GRK6: variants seen among roughly 807,000 people sequenced by gnomAD.
GRK6 encodes the protein G protein-coupled receptor kinase 6.
GRK6 carries 37 observed loss-of-function variants against 80.8 expected under a neutral mutation model. That is an observed-to-expected ratio of 0.46 (90% CI 0.35 to 0.60). GRK6 has a LOEUF of 0.60. Among genes scored for constraint, GRK6 ranks in the 20% least tolerant of loss-of-function variants. The probability of loss-of-function intolerance (pLI) is 0.00; values close to 1 mark genes in which losing one functional copy is unlikely to be tolerated. For synonymous variants in GRK6, 295 were observed against 320.9 expected, an observed-to-expected ratio of 0.92 and a Z score of 0.86; for missense variants, 560 against 784.6, an observed-to-expected ratio of 0.71 and a Z score of 3.42.
At chr5:177,430,613 A>G in intron 1 of GRK6, 1 of 505,348 alleles carries the variant, frequency 2.0e-6, no homozygotes, top group Non-Finnish European at 3.6e-6. Flanking sequence ...CCATTGTTGG[A>G]GCTACTTGGA....
In GRK6 at chr5:177,437,678, C is replaced by T. The variant is rs545257432; in HGVS notation, c.1404+1148C>T. On this transcript the variant is annotated intron_variant, in intron 13 of 15. Transcript: ENST00000355472. ...CTCCAGGGTTTCCTGCTGTGTGCCA[C>T]GATTCTCCAGCTCTTGCCTGGCCTT... Among the ~76,000 whole-genome samples the T allele has an allele frequency of 3.7e-4, 56 of 152,272 alleles. No homozygotes were observed. In the South Asian group the frequency reaches 0.011, roughly 31 times the overall value.
In GRK6 at chr5:177,442,465, C is replaced by G. The variant is rs1330612399; in HGVS notation, c.*675C>G. The G allele has an allele frequency of 1.3e-5, 2 of 153,268 alleles. No individual in the cohort carries two copies. The highest frequency in any genetic ancestry group is 2.9e-5 in the Non-Finnish European group (2 of 68,506). 9.5% of individuals were successfully genotyped at this position (153,268 alleles called of 1,614,324 possible). A position where few individuals can be genotyped will look rare whatever the true frequency, so the allele number is the denominator to read the frequency against. On this transcript the variant is annotated 3_prime_UTR_variant, in exon 16 of 16. Transcript: ENST00000355472. The stretch of plus-strand genomic sequence containing the variant: ...GCCCAGATAGGTCTGCCTCTGCCTT[C>G]CAGCTCCCACAGCCTGGTCCCTGAT...
rs934424420 is a variant in GRK6, at chr5:177,429,508, T to G, written c.53-1364T>G. The stretch of plus-strand genomic sequence containing the variant: ...TGCCCTGGGTTGAGGGGTGGGTGTC[T>G]GTTGCTCACTCACAGTGAAGCAATG... On this transcript the variant is annotated intron_variant, in intron 1 of 15. Transcript: ENST00000355472. This position sits in a 1 kb window ranked among gnomAD's most constrained non-coding sequence, Gnocchi z 4.3. Among the ~76,000 whole-genome samples, 2 of 152,266 alleles carry G rather than the reference T, an allele frequency of 1.3e-5. No individual in the cohort carries two copies. Among genetic ancestry groups the G allele is most frequent in the East Asian group, 3.9e-4 (2 of 5,174 alleles).
chr5:177,426,974 C>T, intron 1 of GRK6, 77 bp downstream of exon 1: 1 of 1,020,458 alleles, frequency 9.8e-7, no homozygotes, highest in Non-Finnish European at 1.3e-6. Flanking sequence ...GCAGGGCTAC[C>T]CAGCCGTCGG....
chr5:177,435,506 A>C (rs1764102052), intron 11 of GRK6, among the ~76,000 whole-genome samples: 1 of 152,206 alleles, frequency 6.6e-6, no homozygotes, highest in African/African-American at 2.4e-5. Flanking sequence ...GAGACGCAGG[A>C]GGCAGAGTCC....
chr5:177,432,191 G>A (rs1391802333), intron 3 of GRK6, 42 bp from the exon 4 acceptor site: 1 of 1,612,686 alleles, frequency 6.2e-7, no homozygotes, highest in Non-Finnish European at 8.5e-7. Context: ...CCTGCTGCTT[G>A]CCCTGCCCAG....
rs58963513 is a variant in GRK6 at position 177,435,500 on chromosome 5, C to T, written c.1057+379C>T. On this transcript the variant is annotated intron_variant, in intron 11 of 15. Coordinates refer to ENST00000355472, the MANE Select transcript of GRK6 (RefSeq NM_001004106.3). The stretch of plus-strand genomic sequence containing the variant: ...CACATTCCACCTGGAGACCGAGAGA[C>T]GCAGGAGGCAGAGTCCTGGCTCTGC... Among the ~76,000 whole-genome samples the T allele has an allele frequency of 3.8e-3, 580 of 152,342 alleles. 15 individuals carry two copies. In the East Asian group the frequency reaches 0.048, roughly 13 times the overall value.
chr5:177,432,425 A>C lies in GRK6; in HGVS notation c.339+115A>C, dbSNP rs1465863227. The C allele has an allele frequency of 7.7e-6, 8 of 1,036,320 alleles. No homozygotes were observed. The East Asian group carries it at 2.0e-4, about 26-fold the overall frequency. 64.2% of individuals were successfully genotyped at this position (1,036,320 alleles called of 1,614,324 possible). Reference sequence around the variant, plus strand: ...GTCTCTTCATACAGACACATGTAACACACAGCCTGGACAGAGAGTGCCCTG... The same window carrying C: ...GTCTCTTCATACAGACACATGTAACCCACAGCCTGGACAGAGAGTGCCCTG... On this transcript the variant is annotated intron_variant, in intron 4 of 15. Coordinates refer to ENST00000355472, the MANE Select transcript of GRK6 (RefSeq NM_001004106.3).
Position 177,431,989 on chromosome 5 carries a change from C to T in GRK6, c.149-6C>T. 2 of 1,612,604 alleles carry T rather than the reference C, an allele frequency of 1.2e-6. No homozygotes were observed. Among genetic ancestry groups the T allele is most frequent in the Non-Finnish European group, 1.7e-6 (2 of 1,179,438 alleles). ...TGGACCCAGCAGCTTCCATCACTGCCAACAGAGCGTGACTATCACAGCCTG... is the reference window on the plus strand; with the variant it reads ...TGGACCCAGCAGCTTCCATCACTGCTAACAGAGCGTGACTATCACAGCCTG... On this transcript the variant is annotated splice_polypyrimidine_tract_variant and splice_region_variant and intron_variant, in intron 2 of 15. Coordinates refer to ENST00000355472, the MANE Select transcript of GRK6 (RefSeq NM_001004106.3).
In GRK6 at chr5:177,433,679, A is replaced by T; in HGVS notation, c.738+3A>T. 1 of 1,613,996 alleles carries T rather than the reference A, an allele frequency of 6.2e-7. No homozygotes were observed. Among genetic ancestry groups the T allele is most frequent in the Non-Finnish European group, 8.5e-7 (1 of 1,179,974 alleles). On this transcript the variant is annotated splice_donor_region_variant and intron_variant, in intron 8 of 15. Coordinates refer to ENST00000355472, the MANE Select transcript of GRK6 (RefSeq NM_001004106.3). ...AGAAAGTGAACAGTAGGTTTGTAGT[A>T]AGTACAGAAGGAGACTCTCCCTTCC...
In GRK6 at chr5:177,434,003, C is replaced by T. The variant is rs1351945010; in HGVS notation, c.828C>T (p.Tyr276=). 21 of 1,613,118 alleles carry T rather than the reference C, an allele frequency of 1.3e-5. No individual in the cohort carries two copies. The highest frequency in any genetic ancestry group is 1.7e-5 in the Non-Finnish European group (20 of 1,179,624). Residue 276 remains tyrosine (Y), a synonymous_variant, in exon 9 of 16, where the codon TAC becomes TAT. Coordinates refer to ENST00000355472, the MANE Select transcript of GRK6 (RefSeq NM_001004106.3). The part of the protein sequence containing the change: ...MNGGDLKFHI[Y]HMGQAGFPEA... ...GGGGCGACCTCAAGTTCCACATCTA[C>T]CACATGGGCCAGGCTGGCTTCCCCG...
At position 177,433,195 on chromosome 5, in the gene GRK6, C is replaced by T. The variant is rs750263792; in HGVS notation, c.489C>T (p.Asp163=). ...LSVAPFADYL[D]SIYFNRFLQW... is the part of the protein sequence containing the mutation. Reference sequence around the variant, plus strand: ...TGGCCCCTTTTGCCGACTACCTCGACAGCATCTACTTCAACCGTTTCCTGC... The same window carrying T: ...TGGCCCCTTTTGCCGACTACCTCGATAGCATCTACTTCAACCGTTTCCTGC... The change falls in exon 6 of 16, where the codon GAC becomes GAT. Residue 163 remains aspartate (D), a synonymous_variant. Transcript: ENST00000355472. 4 of 1,614,208 alleles carry T rather than the reference C, an allele frequency of 2.5e-6. No homozygotes were observed. The highest frequency in any genetic ancestry group is 3.4e-6 in the Non-Finnish European group (4 of 1,180,026).
chr5:177,436,928 CTTCTTTTTTCCT>C (rs1764187780), intron 13 of GRK6, among the ~76,000 whole-genome samples: 1 of 151,806 alleles, frequency 6.6e-6, no homozygotes, highest in Non-Finnish European at 1.5e-5. Flanking sequence ...TCTTTTTTCC[CTTCTTTTTTCCT>C]TTCTTTCCTT....
chr5:177,433,260 G>A, intron 6 of GRK6, 21 bp downstream of exon 6: 1 of 1,613,840 alleles, frequency 6.2e-7, no homozygotes, highest in Non-Finnish European at 8.5e-7. Context: ...TGAAGGCTGG[G>A]CCGGGACAGG....
Position 177,426,756 on chromosome 5 carries a change from C to A in GRK6, c.-90C>A. On this transcript the variant is annotated 5_prime_UTR_variant, in exon 1 of 16. Coordinates refer to ENST00000355472, the MANE Select transcript of GRK6 (RefSeq NM_001004106.3). ...TCACTGCGAGCCGAGCCGAGCCGCG[C>A]CGAGCCGCGCCGATCGCCATCCGGC... is the stretch of plus-strand genomic sequence containing the variant. 1.4e-6 allele frequency: 1 copy of A among 703,056 alleles called. No individual in the cohort carries two copies. The allele number at this position is 703,056 out of a possible 1,614,324, so 43.6% of individuals were successfully genotyped here.
chr5:177,433,828 G>A, intron 8 of GRK6, 86 bp from the exon 9 acceptor site: 1 of 1,487,182 alleles, frequency 6.7e-7, no homozygotes, highest in Non-Finnish European at 9.0e-7. Flanking sequence ...GGCCCAAGGA[G>A]TGGCACCGAG....
chr5:177,440,559 T>TG, intron 13 of GRK6, 141 bp from the exon 14 acceptor site: 2 of 968,374 alleles, frequency 2.1e-6, no homozygotes, highest in South Asian at 3.2e-5. Flanking sequence ...AGGAAGTGCG[T>TG]GGGGCACCTG....
At chr5:177,430,807 C>A in intron 1 of GRK6, 65 bp from the exon 2 acceptor site, 1 of 1,446,958 alleles carries the variant, frequency 6.9e-7, no homozygotes, top group Non-Finnish European at 9.7e-7. Context: ...GTGGACCGCA[C>A]TGAGGACCCA....
At chr5:177,437,008 G>A (rs1308456319) in intron 13 of GRK6, among the ~76,000 whole-genome samples, 1 of 151,870 alleles carries the variant, frequency 6.6e-6, no homozygotes, top group African/African-American at 2.4e-5. Context: ...AGGCTGGAGT[G>A]CAGTGGTGAG....
Sources: gnomAD v4.1 joint callset for allele counts (sites outside exome capture counted in the v4.1 genomes callset) on GRCh38, gnomAD v4.1.1 for gene constraint, Gnocchi (gnomAD v3.1) non-coding constraint, MANE v1.5 for transcripts, NCBI Gene and HGNC (gene_info 2026-07-23, HGNC 2026-07-21) for gene names.